The following SHISA9 variants were observed in gnomAD, a reference collection of about 807,000 sequenced individuals.
SHISA9 encodes shisa family member 9.
SHISA9 carries 13 observed loss-of-function variants against 38.0 expected under a neutral mutation model. The ratio of observed to expected loss-of-function variants is 0.34; its 90% CI spans 0.22 to 0.54. The LOEUF (loss-of-function observed/expected upper bound fraction) is 0.54. Ranked by LOEUF, SHISA9 falls within the 20% of genes least tolerant of loss-of-function variation. The pLI is 0.91. For missense variants in SHISA9, 538 were observed against 575.8 expected, an observed-to-expected ratio of 0.93 and a Z score of 0.67; for synonymous variants, 275 against 242.0, an observed-to-expected ratio of 1.14 and a Z score of -1.27.
At chr16:12,967,628 C>G (rs1567355565) in intron 2 of SHISA9, among the ~76,000 whole-genome samples, 1 of 150,836 alleles carries the variant, frequency 6.6e-6, no homozygotes, top group Non-Finnish European at 1.5e-5. Flanking sequence ...TATGGACATC[C>G]AAGGACAATG....
At chr16:13,041,566 C>G (rs1215710747) in intron 2 of SHISA9, among the ~76,000 whole-genome samples, 1 of 152,238 alleles carries the variant, frequency 6.6e-6, no homozygotes, top group African/African-American at 2.4e-5. Flanking sequence ...CTATATGTAG[C>G]TACCCTCTGA....
the SHISA9 span, among the ~76,000 whole-genome samples, chr16:13,334,218 A>G: frequency 6.6e-6 from 1 of 152,066 alleles, no homozygotes; most frequent in Admixed American, 6.5e-5. Flanking sequence ...CCTTTCTGGG[A>G]TTTTCACATT....
At chr16:13,077,945 T>A (rs1285454080) in intron 2 of SHISA9, among the ~76,000 whole-genome samples, 3 of 151,870 alleles carry the variant, frequency 2.0e-5, no homozygotes, top group Admixed American at 6.6e-5. Flanking sequence ...ATGAAAAAAA[T>A]ATGGCAAACA....
the SHISA9 span, among the ~76,000 whole-genome samples, chr16:13,294,703 C>T: frequency 6.6e-6 from 1 of 152,170 alleles, no homozygotes; most frequent in Non-Finnish European, 1.5e-5. Context: ...CCCACATTGG[C>T]AAATACTGTA....
At chr16:13,454,142 C>T in the SHISA9 span, among the ~76,000 whole-genome samples, 1 of 152,104 alleles carries the variant, frequency 6.6e-6, no homozygotes, top group Non-Finnish European at 1.5e-5. Context: ...GAAAGGGCTC[C>T]CCCTGCAGGA....
At chr16:13,115,327 A>C (rs898525591) in intron 2 of SHISA9, among the ~76,000 whole-genome samples, 1 of 152,212 alleles carries the variant, frequency 6.6e-6, no homozygotes, top group Non-Finnish European at 1.5e-5. Context: ...CCCCGAACAG[A>C]GATTTACCCA....
At chr16:13,323,625 G>A in the SHISA9 span, among the ~76,000 whole-genome samples, 1 of 152,106 alleles carries the variant, frequency 6.6e-6, no homozygotes, top group Non-Finnish European at 1.5e-5. Context: ...CGCACGCCTG[G>A]GGAGGCCTCA....
At chr16:13,294,135 T>C in the SHISA9 span, among the ~76,000 whole-genome samples, 1 of 152,212 alleles carries the variant, frequency 6.6e-6, no homozygotes, top group East Asian at 1.9e-4. Context: ...AATATCCTGC[T>C]TGGTCATTGG....
the SHISA9 span, among the ~76,000 whole-genome samples, chr16:13,476,314 C>A: frequency 2.0e-5 from 3 of 152,270 alleles, no homozygotes; most frequent in Admixed American, 6.5e-5. Context: ...CCTTACCCCT[C>A]CCAAGTTACA....
At chr16:13,164,113 A>G (rs2819631) in intron 2 of SHISA9, among the ~76,000 whole-genome samples, 119,847 of 151,938 alleles carry the variant, frequency 0.79, 47,342 homozygotes, top group East Asian at 0.88. Flanking sequence ...GGTGTTATCT[A>G]TAATATTTTT....
chr16:13,540,708 G>T, the SHISA9 span, among the ~76,000 whole-genome samples: 1 of 151,990 alleles, frequency 6.6e-6, no homozygotes, highest in Non-Finnish European at 1.5e-5. Flanking sequence ...TTAAATTTAG[G>T]GTAATGATGC....
At chr16:13,245,018 C>G (rs566332015), downstream of SHISA9, among the ~76,000 whole-genome samples, 109 of 152,290 alleles carry the variant, frequency 7.2e-4, no homozygotes, top group African/African-American at 2.5e-3. Context: ...GGGGCTCTAG[C>G]AGTCCTCCCA....
chr16:13,434,419 G>GTTTGTTTTTTTTTTTTTTT, the SHISA9 span, among the ~76,000 whole-genome samples: 1 of 64,566 alleles, frequency 1.5e-5, no homozygotes, highest in Non-Finnish European at 3.2e-5. Flanking sequence ...GACAAGCTAT[G>GTTTGTTTTTTTTTTTTTTT]TTTTTTTTTT....
the SHISA9 span, among the ~76,000 whole-genome samples, chr16:13,494,642 A>C: frequency 6.6e-6 from 1 of 152,194 alleles, no homozygotes; most frequent in African/African-American, 2.4e-5. Flanking sequence ...TTATAGGGGA[A>C]TGGTTAAATG....
the SHISA9 span, among the ~76,000 whole-genome samples, chr16:13,344,773 C>T: frequency 6.6e-6 from 1 of 152,150 alleles, no homozygotes; most frequent in Non-Finnish European, 1.5e-5. Flanking sequence ...CCCCAAATCT[C>T]ACAACCAGTA....
the SHISA9 span, among the ~76,000 whole-genome samples, chr16:13,438,429 C>A: frequency 6.6e-6 from 1 of 152,244 alleles, no homozygotes; most frequent in African/African-American, 2.4e-5. Context: ...AGCTAGCACA[C>A]TCTTACATAT....
At chr16:13,211,363 C>T (rs1465734351) in intron 3 of SHISA9, among the ~76,000 whole-genome samples, 1 of 151,482 alleles carries the variant, frequency 6.6e-6, no homozygotes, top group African/African-American at 2.4e-5. Flanking sequence ...TATAATTGAA[C>T]TCTAGTGTAT....
intron 2 of SHISA9, among the ~76,000 whole-genome samples, chr16:13,076,520 CT>C (rs2073584775): frequency 1.3e-5 from 2 of 152,288 alleles, no homozygotes; most frequent in East Asian, 3.9e-4. Context: ...ACCCAACCTT[CT>C]GCCATTTTAG....
At chr16:13,272,200 A>G in the SHISA9 span, among the ~76,000 whole-genome samples, 1 of 152,184 alleles carries the variant, frequency 6.6e-6, no homozygotes, top group Admixed American at 6.5e-5. Context: ...TTTTCATAAT[A>G]TGTAAAATAC....
Sources: gnomAD v4.1 joint callset for allele counts (sites outside exome capture counted in the v4.1 genomes callset) on GRCh38, gnomAD v4.1.1 for gene constraint, MANE v1.5 for transcripts, NCBI Gene and HGNC (gene_info 2026-07-23, HGNC 2026-07-21) for gene names.